The following TG variants were observed in gnomAD, a reference collection of about 807,000 sequenced individuals.
TG encodes thyroglobulin.
Under a neutral mutation model 324.7 loss-of-function variants are expected in TG, and 270 were observed. The observed-to-expected ratio is 0.83, with a 90% CI of 0.75 to 0.92. The LOEUF is 0.92. Among genes scored for constraint, TG ranks in the 40% least tolerant of loss-of-function variants. The pLI is 0.00. For synonymous variants in TG, 1,401 were observed against 1,327.0 expected (o/e 1.06, Z -1.21); for missense variants, 3,591 against 3,456.4 (o/e 1.04, Z -0.98).
chr8:132,947,873 G>T (rs1469586679), intron 26 of TG, among the ~76,000 whole-genome samples: 1 of 152,238 alleles, frequency 6.6e-6, no homozygotes, highest in East Asian at 1.9e-4. Context: ...AAAAAAACGT[G>T]TGAGTTACTT....
intron 40 of TG, among the ~76,000 whole-genome samples, chr8:133,024,573 C>A (rs868001983): frequency 1.3e-5 from 2 of 151,810 alleles, no homozygotes; most frequent in East Asian, 1.9e-4. Flanking sequence ...CCCCGCCCCC[C>A]AACAGGCCGT....
rs771338827 is a variant in TG at position 133,134,639 on chromosome 8, C to A, written c.8189-37C>A. 5 of 1,580,872 alleles carry A rather than the reference C, an allele frequency of 3.2e-6. No individual in the cohort carries two copies. The South Asian group carries it at 5.5e-5, about 17-fold the overall frequency. ...GGGACCAGAGAAGAGAAGTCCTAAT[C>A]TGGCTTGGACCAACCTTCCTTGCCC... is the stretch of plus-strand genomic sequence containing the variant. On this transcript the variant is annotated intron_variant, in intron 47 of 47. Transcript: ENST00000220616.
chr8:132,867,775 G>A (rs1028498811), intron 1 of TG, among the ~76,000 whole-genome samples: 8 of 151,320 alleles, frequency 5.3e-5, no homozygotes, highest in Non-Finnish European at 1.2e-4. Flanking sequence ...TGGGAATTGC[G>A]GCAGGGTGGG....
At chr8:133,012,512 C>A (rs1834611325) in intron 36 of TG, among the ~76,000 whole-genome samples, 1 of 152,134 alleles carries the variant, frequency 6.6e-6, no homozygotes, top group Non-Finnish European at 1.5e-5. Flanking sequence ...ATGCATAATT[C>A]TTTTAGAGAG....
In TG at chr8:132,911,723, A is replaced by C. The variant is rs535276899; in HGVS notation, c.4159+190A>C. On this transcript the variant is annotated intron_variant, in intron 19 of 47. Transcript: ENST00000220616. ...GCCAATCGTTTACTAGAGTTAAATAATGTCAACAAAGAGCCTGGTTCTGTG... is the reference window on the plus strand; with the variant it reads ...GCCAATCGTTTACTAGAGTTAAATACTGTCAACAAAGAGCCTGGTTCTGTG... Among the ~76,000 whole-genome samples the C allele has an allele frequency of 1.1e-4, 17 of 152,344 alleles. No individual in the cohort carries two copies. The South Asian group carries it at 2.9e-3, about 26-fold the overall frequency.
chr8:132,947,553 T>G (rs1056630859), intron 26 of TG, among the ~76,000 whole-genome samples: 1 of 152,142 alleles, frequency 6.6e-6, no homozygotes, highest in Non-Finnish European at 1.5e-5. Flanking sequence ...GGAGATAGAA[T>G]TGTTTTGAAC....
chr8:132,925,524 T>TGA (rs1372277949), intron 22 of TG, among the ~76,000 whole-genome samples: 4 of 151,242 alleles, frequency 2.6e-5, no homozygotes, highest in African/African-American at 9.7e-5. Context: ...TGCGTGTGTG[T>TGA]GTGTGTGTGT....
chr8:132,881,721 G>T, intron 5 of TG, 142 bp from the exon 6 acceptor site: 1 of 711,942 alleles, frequency 1.4e-6, no homozygotes, highest in Middle Eastern at 2.3e-4. Flanking sequence ...TTTACTGCAG[G>T]AAGCATGAAG....
Position 132,967,905 on chromosome 8 carries a change from A to G in TG, c.5798A>G (p.Glu1933Gly). The change falls in exon 31 of 48, where the codon GAG becomes GGG. Residue 1933 changes from glutamate to glycine, a missense_variant. By Grantham distance (98) the Glu-to-Gly change is moderately conservative. Coordinates refer to ENST00000220616, the MANE Select transcript of TG (RefSeq NM_003235.5). ...GCACAGGTGTGTGATGACATCATGG[A>G]GTCCAATGCCCAGGGCTGCAGACTG... Reference protein sequence around the residue: ...PEAQVCDDIMESNAQGCRLIL... With the variant: ...PEAQVCDDIMGSNAQGCRLIL... 6.2e-7 allele frequency: 1 copy of G among 1,614,018 alleles called. No individual in the cohort carries two copies. Among genetic ancestry groups the G allele is most frequent in the Non-Finnish European group, 8.5e-7 (1 of 1,179,956 alleles).
chr8:133,069,463 C>T (rs1280187130), intron 41 of TG, among the ~76,000 whole-genome samples: 1 of 152,080 alleles, frequency 6.6e-6, no homozygotes, highest in Non-Finnish European at 1.5e-5. Flanking sequence ...AAAGAGATCT[C>T]CATGATGTTT....
In TG at chr8:133,069,499, C is replaced by G. The variant is rs372262693; in HGVS notation, c.7240-25545C>G. On this transcript the variant is annotated intron_variant, in intron 41 of 47. Coordinates refer to ENST00000220616, the MANE Select transcript of TG (RefSeq NM_003235.5). ...TTAATTTGCTATTAATGTGCTCCTC[C>G]TTAGCTCCTGTTCCCTCCTTAGCTC... Among the ~76,000 whole-genome samples, 35 of 152,124 alleles carry G rather than the reference C, an allele frequency of 2.3e-4. 1 individual carries two copies. Among genetic ancestry groups the G allele is most frequent in the Admixed American group, 2.3e-3 (35 of 15,280 alleles).
intron 10 of TG, among the ~76,000 whole-genome samples, chr8:132,890,989 T>C (rs2132197857): frequency 6.6e-6 from 1 of 152,292 alleles, no homozygotes; most frequent in African/African-American, 2.4e-5. Flanking sequence ...TGGTGTCTGC[T>C]CTGAGAAGCT....
chr8:132,955,868 C>T (rs914004183), intron 27 of TG, among the ~76,000 whole-genome samples: 13 of 152,248 alleles, frequency 8.5e-5, no homozygotes, highest in African/African-American at 2.9e-4. Context: ...GACCACGTCA[C>T]ACCCAGCAAT....
chr8:133,038,319 A>G (rs1837457116), intron 41 of TG: 2 of 596,420 alleles, frequency 3.4e-6, no homozygotes, highest in Non-Finnish European at 6.0e-6. Context: ...TCGTGATGCC[A>G]CAGCCCTGAT....
intron 37 of TG, among the ~76,000 whole-genome samples, chr8:133,014,957 G>T (rs1834885721): frequency 6.6e-6 from 1 of 152,086 alleles, no homozygotes; most frequent in South Asian, 2.1e-4. Flanking sequence ...ACAATCTCGG[G>T]TCACTGCAAC....
Position 132,882,570 on chromosome 8 carries a change from C to G in TG, c.847C>G (p.Arg283Gly). The change falls in exon 7 of 48, where the codon CGG (arginine) becomes GGG (glycine). Residue 283 changes from arginine (R) to glycine (G), a missense_variant. Coordinates refer to ENST00000220616, the MANE Select transcript of TG (RefSeq NM_003235.5). ...CACCCTGTACCGGATACTGCAGAGA[C>G]GGTTCCTCGCAGTTCAATCAGTCAT... ...ETTLYRILQRRFLAVQSVISG... is the reference protein window; with the variant it reads ...ETTLYRILQRGFLAVQSVISG... 6.2e-7 allele frequency: 1 copy of G among 1,614,220 alleles called. No individual in the cohort carries two copies. Among genetic ancestry groups the G allele is most frequent in the Non-Finnish European group, 8.5e-7 (1 of 1,180,048 alleles).
Position 133,018,671 on chromosome 8 carries a change from A to G in TG, c.6782+674A>G, listed in dbSNP as rs1468446780. 3.9e-5 allele frequency among the ~76,000 whole-genome samples: 6 copies of G among 152,200 alleles called. No individual in the cohort carries two copies. The East Asian group carries it at 9.6e-4, about 24-fold the overall frequency. ...TGTGATTTTTTTCTAATTAAAGCAT[A>G]CTCGGAGTATCTGTGAAAACAGCAC... On this transcript the variant is annotated intron_variant, in intron 38 of 47. Coordinates refer to ENST00000220616, the MANE Select transcript of TG (RefSeq NM_003235.5).
intron 25 of TG, among the ~76,000 whole-genome samples, chr8:132,940,269 T>C (rs1300849805): frequency 6.6e-6 from 1 of 152,176 alleles, no homozygotes; most frequent in East Asian, 1.9e-4. Flanking sequence ...TCACTGGCTG[T>C]GTAAACCCGA....
chr8:132,967,792 AG>A lies in TG; in HGVS notation c.5687del. ...AAAATCACACTACTCTCTTGCCTGT[AG>A]GTTGTGTGCAGGAGCACTCTTTCTG... On this transcript the variant is annotated splice_acceptor_variant, in intron 30 of 47. Transcript: ENST00000220616. LOFTEE classifies it high-confidence loss of function. The A allele has an allele frequency of 6.2e-7, 1 of 1,613,648 alleles. No homozygotes were observed. Among genetic ancestry groups the A allele is most frequent in the East Asian group, 2.2e-5 (1 of 44,878 alleles).
Sources: allele counts gnomAD v4.1 joint callset (sites outside exome capture counted in the v4.1 genomes callset), GRCh38; gene constraint gnomAD v4.1.1; transcripts MANE v1.5; gene names NCBI Gene and HGNC (gene_info 2026-07-23, HGNC 2026-07-21).